The following LINGO2 variants were observed in gnomAD, a reference collection of about 807,000 sequenced individuals.
LINGO2 encodes leucine-rich repeat and immunoglobulin-like domain-containing nogo receptor-interacting protein 2.
Under a neutral mutation model 30.6 loss-of-function variants are expected in LINGO2, and 14 were observed. That is an observed-to-expected ratio of 0.46 (90% CI 0.30 to 0.72). The LOEUF (loss-of-function observed/expected upper bound fraction) is 0.72, where lower values mean the gene tolerates loss of function less well. Among genes scored for constraint, LINGO2 ranks in the 30% least tolerant of loss-of-function variants. LINGO2 has a pLI of 0.07. For synonymous variants in LINGO2, 317 were observed against 288.5 expected, an observed-to-expected ratio of 1.10 and a Z score of -1.00; for missense variants, 729 against 751.7, an observed-to-expected ratio of 0.97 and a Z score of 0.35.
intron 2 of LINGO2, among the ~76,000 whole-genome samples, chr9:28,422,032 C>A (rs1823217914): frequency 6.6e-6 from 1 of 152,012 alleles, no homozygotes; most frequent in African/African-American, 2.4e-5. Context: ...AAGACCTAAA[C>A]ATAAGAGCTG....
At chr9:29,050,193 CTT>C in the LINGO2 span, among the ~76,000 whole-genome samples, 1 of 151,988 alleles carries the variant, frequency 6.6e-6, no homozygotes, top group East Asian at 1.9e-4. Flanking sequence ...GTCTGGCTAA[CTT>C]TTGTATTTTA....
the LINGO2 span, among the ~76,000 whole-genome samples, chr9:28,831,977 G>C: frequency 6.6e-6 from 1 of 152,162 alleles, no homozygotes; most frequent in African/African-American, 2.4e-5. Flanking sequence ...GATTTGAACA[G>C]ATCATATAAA....
intron 2 of LINGO2, among the ~76,000 whole-genome samples, chr9:28,377,430 CAA>C (rs1316380166): frequency 6.6e-6 from 1 of 152,124 alleles, no homozygotes; most frequent in Non-Finnish European, 1.5e-5. Context: ...ATATAATATA[CAA>C]AAGATGTCTT....
chr9:28,795,960 A>G, the LINGO2 span, among the ~76,000 whole-genome samples: 6 of 148,388 alleles, frequency 4.0e-5, no homozygotes, highest in Non-Finnish European at 8.9e-5. Context: ...ATACCTTTAT[A>G]TATCTATATG....
intron 2 of LINGO2, among the ~76,000 whole-genome samples, chr9:28,446,861 C>T (rs1253877064): frequency 6.6e-6 from 1 of 152,186 alleles, no homozygotes; most frequent in East Asian, 1.9e-4. Flanking sequence ...AACAGGTGGC[C>T]TGCAGGAATA....
chr9:28,233,139 CTGTG>C (rs141778131), intron 4 of LINGO2, among the ~76,000 whole-genome samples: 5 of 137,654 alleles, frequency 3.6e-5, no homozygotes, highest in African/African-American at 8.4e-5. Flanking sequence ...TATGTGTGGT[CTGTG>C]TGTGTGTGTG....
the LINGO2 span, among the ~76,000 whole-genome samples, chr9:28,760,159 G>T: frequency 6.6e-6 from 1 of 152,004 alleles, no homozygotes; most frequent in Non-Finnish European, 1.5e-5. Context: ...GAGCATAGAT[G>T]AAATCAAATC....
chr9:28,333,244 T>C (rs779233056), intron 3 of LINGO2, among the ~76,000 whole-genome samples: 14 of 152,224 alleles, frequency 9.2e-5, no homozygotes, highest in Non-Finnish European at 1.8e-4. Flanking sequence ...GGGAACACAG[T>C]TGATTAAACA....
At chr9:28,733,660 C>A in the LINGO2 span, among the ~76,000 whole-genome samples, 1 of 152,082 alleles carries the variant, frequency 6.6e-6, no homozygotes, top group Non-Finnish European at 1.5e-5. Flanking sequence ...ACCAGTCCAC[C>A]TTTTTCTCTA....
At chr9:28,476,105 G>T (rs980944910) in intron 1 of LINGO2, 80 bp from the exon 4 acceptor site, 4 of 152,366 alleles carry the variant, frequency 2.6e-5, no homozygotes, top group Non-Finnish European at 5.9e-5. Context: ...TGGCCATAAC[G>T]GTAATAATTA....
intron 1 of LINGO2, among the ~76,000 whole-genome samples, chr9:28,617,531 G>C (rs1196529174): frequency 6.6e-6 from 1 of 151,964 alleles, no homozygotes; most frequent in Non-Finnish European, 1.5e-5. Context: ...TCCTGACCTC[G>C]TGATCCGCCC....
At chr9:28,249,223 C>G (rs1189881749) in intron 4 of LINGO2, among the ~76,000 whole-genome samples, 1 of 151,998 alleles carries the variant, frequency 6.6e-6, no homozygotes, top group African/African-American at 2.4e-5. Context: ...CTGTTTTAAC[C>G]ATGAGAAAAT....
intron 3 of LINGO2, among the ~76,000 whole-genome samples, chr9:28,345,596 ACAACATGG>A (rs1401796628): frequency 6.6e-6 from 1 of 152,186 alleles, no homozygotes; most frequent in Non-Finnish European, 1.5e-5. Flanking sequence ...AAATTTCATC[ACAACATGG>A]GCCTTTTGAA....
intron 1 of LINGO2, among the ~76,000 whole-genome samples, chr9:28,587,535 A>G (rs1824619790): frequency 6.6e-6 from 1 of 151,824 alleles, no homozygotes; most frequent in African/African-American, 2.4e-5. Context: ...GTACAGGGTG[A>G]CCTTGGCTAC....
chr9:29,087,570 A>G, the LINGO2 span, among the ~76,000 whole-genome samples: 5 of 152,096 alleles, frequency 3.3e-5, no homozygotes, highest in Admixed American at 6.6e-5. Flanking sequence ...CATAGACCAC[A>G]CTGTTTCCCA....
At chr9:29,160,895 G>A in the LINGO2 span, among the ~76,000 whole-genome samples, 4 of 152,348 alleles carry the variant, frequency 2.6e-5, no homozygotes, top group Admixed American at 2.6e-4. Context: ...TAACCTGTTT[G>A]TGTAAGTTCA....
the LINGO2 span, among the ~76,000 whole-genome samples, chr9:29,011,347 G>A: frequency 6.6e-6 from 1 of 151,928 alleles, no homozygotes; most frequent in Non-Finnish European, 1.5e-5. Context: ...CCTTTTTCTT[G>A]CACCTACTAG....
intron 2 of LINGO2, among the ~76,000 whole-genome samples, chr9:28,377,554 G>C (rs7850516): frequency 0.21 from 32,043 of 151,964 alleles, 3,576 homozygotes; most frequent in Middle Eastern, 0.38. Flanking sequence ...GTGTGGGGGG[G>C]TTAGTTTCCC....
chr9:29,117,178 T>G, the LINGO2 span, among the ~76,000 whole-genome samples: 1 of 152,136 alleles, frequency 6.6e-6, no homozygotes, highest in Admixed American at 6.5e-5. Context: ...CATAAATGAT[T>G]GTTGAGGTTG....
Sources: allele counts gnomAD v4.1 joint callset (sites outside exome capture counted in the v4.1 genomes callset), GRCh38; gene constraint gnomAD v4.1.1; transcripts MANE v1.5; gene names NCBI Gene and HGNC (gene_info 2026-07-23, HGNC 2026-07-21).